The following IQSEC3 variants were observed in gnomAD, a reference collection of about 807,000 sequenced individuals.
IQSEC3 encodes IQ motif and SEC7 domain-containing protein 3.
Under a neutral mutation model 105.4 loss-of-function variants are expected in IQSEC3, and 50 were observed. The ratio of observed to expected loss-of-function variants is 0.47; its 90% CI spans 0.38 to 0.60. IQSEC3 has a LOEUF of 0.60. Ranked by LOEUF, IQSEC3 falls within the 20% of genes least tolerant of loss-of-function variation. The probability of loss-of-function intolerance (pLI) is 0.00; values close to 1 mark genes in which losing one functional copy is unlikely to be tolerated. For synonymous variants in IQSEC3, 708 were observed against 746.0 expected (o/e 0.95, Z 0.83); for missense variants, 1,415 against 1,630.0 (o/e 0.87, Z 2.27).
chr12:78,918 C>T (rs574357638), intron 1 of IQSEC3, among the ~76,000 whole-genome samples: 2 of 152,244 alleles, frequency 1.3e-5, no homozygotes, highest in East Asian at 1.9e-4. Context: ...CACCACCCCC[C>T]ACCCTGACCC....
chr12:150,405 C>G (rs1866458974), intron 5 of IQSEC3, among the ~76,000 whole-genome samples: 1 of 152,166 alleles, frequency 6.6e-6, no homozygotes, highest in African/African-American at 2.4e-5. Context: ...CTAGCTAGAG[C>G]CACTGGAATG....
intron 4 of IQSEC3, 174 bp from the exon 5 acceptor site, chr12:140,950 C>T: frequency 4.9e-6 from 3 of 615,928 alleles, no homozygotes; most frequent in Non-Finnish European, 8.5e-6. Context: ...TCTGGTCACA[C>T]ACCATCCTCT....
At chr12:161,068 C>T (rs1555096025) in intron 7 of IQSEC3, among the ~76,000 whole-genome samples, 4 of 152,104 alleles carry the variant, frequency 2.6e-5, no homozygotes, top group Non-Finnish European at 4.4e-5. Flanking sequence ...ACTTCGAGAA[C>T]CAAGATCAGA....
intron 12 of IQSEC3, 51 bp from the exon 13 acceptor site, chr12:171,061 G>A: frequency 6.2e-7 from 1 of 1,609,674 alleles, no homozygotes; most frequent in South Asian, 1.1e-5. Context: ...GGAGGGGCAG[G>A]GGCTTGGCTC....
intron 1 of IQSEC3, among the ~76,000 whole-genome samples, chr12:92,649 G>T (rs1342487469): frequency 6.6e-6 from 1 of 152,194 alleles, no homozygotes; most frequent in Admixed American, 6.5e-5. Flanking sequence ...CCTCCCTAAA[G>T]GCCCCGCATC....
intron 1 of IQSEC3, among the ~76,000 whole-genome samples, chr12:85,199 C>T (rs145207658): frequency 1.1e-3 from 169 of 152,252 alleles, no homozygotes; most frequent in Non-Finnish European, 2.0e-3. Context: ...CCACAGCTGA[C>T]GAAAGGTGGG....
chr12:98,090 C>A (rs1280257520), intron 1 of IQSEC3, among the ~76,000 whole-genome samples: 4 of 152,338 alleles, frequency 2.6e-5, no homozygotes, highest in Middle Eastern at 3.4e-3. Flanking sequence ...TTCAGATGAT[C>A]TCTGGGGGCC....
intron 1 of IQSEC3, among the ~76,000 whole-genome samples, chr12:71,737 G>C (rs1555067610): frequency 6.6e-6 from 1 of 152,274 alleles, no homozygotes; most frequent in South Asian, 2.1e-4. Context: ...TCAACACACA[G>C]GGACTTTGTC....
At chr12:132,424 G>T (rs1177953380) in intron 3 of IQSEC3, among the ~76,000 whole-genome samples, 1 of 152,210 alleles carries the variant, frequency 6.6e-6, no homozygotes, top group Admixed American at 6.5e-5. Context: ...AGAAAAGCCT[G>T]TGTTGACACC....
intron 5 of IQSEC3, among the ~76,000 whole-genome samples, chr12:145,204 T>A (rs1448148108): frequency 6.6e-6 from 1 of 152,258 alleles, no homozygotes; most frequent in African/African-American, 2.4e-5. Context: ...ACCTGTCTCA[T>A]ATGAATCAAA....
chr12:173,559 CTG>C (rs772527876), intron 13 of IQSEC3, among the ~76,000 whole-genome samples: 2 of 152,208 alleles, frequency 1.3e-5, no homozygotes, highest in Non-Finnish European at 2.9e-5. Flanking sequence ...CCCTTTCCCT[CTG>C]TGCTCTGAGC....
chr12:100,961 G>T (rs1267111185), intron 2 of IQSEC3, among the ~76,000 whole-genome samples: 5 of 152,168 alleles, frequency 3.3e-5, no homozygotes, highest in African/African-American at 1.2e-4. Flanking sequence ...CTTCTTCCTA[G>T]AAACTGCCTT....
chr12:74,804 C>T (rs7961794), intron 1 of IQSEC3, among the ~76,000 whole-genome samples: 1,834 of 152,322 alleles, frequency 0.012, 17 homozygotes, highest in African/African-American at 0.041. Context: ...TCAAGATTCT[C>T]ATTTGGCAAA....
intron 2 of IQSEC3, among the ~76,000 whole-genome samples, chr12:122,500 T>C (rs1283162892): frequency 2.0e-5 from 3 of 152,260 alleles, no homozygotes; most frequent in African/African-American, 7.2e-5. Context: ...AAAATTTGTT[T>C]TGTTTTATCA....
chr12:77,308 A>G (rs1241117587), intron 1 of IQSEC3: 1 of 152,308 alleles, frequency 6.6e-6, no homozygotes, highest in South Asian at 2.1e-4. Context: ...ACTCTGACCT[A>G]GAAGCCGGAA....
chr12:158,254 TATC>T (rs1412332655), intron 7 of IQSEC3, among the ~76,000 whole-genome samples: 1 of 152,132 alleles, frequency 6.6e-6, no homozygotes, highest in African/African-American at 2.4e-5. Flanking sequence ...CTACAAGGCT[TATC>T]ATAGAAAAAA....
intron 11 of IQSEC3, among the ~76,000 whole-genome samples, chr12:168,441 GGT>G (rs1938790874): frequency 6.6e-6 from 1 of 152,132 alleles, no homozygotes; most frequent in South Asian, 2.1e-4. Flanking sequence ...TGGAGAGGTG[GGT>G]GTCACCCCTG....
In IQSEC3 at chr12:166,053, A is replaced by G. The variant is rs557422940; in HGVS notation, c.2971+163A>G. ...ACACTCCCACAGCCCGGGTGGGAGC[A>G]CCGGTTCCCATGTTTCTTCACAATT... is the stretch of plus-strand genomic sequence containing the variant. On this transcript the variant is annotated intron_variant, in intron 11 of 13. Coordinates refer to ENST00000538872, the MANE Select transcript of IQSEC3 (RefSeq NM_001170738.2). 1.9e-4 allele frequency: 131 copies of G among 683,544 alleles called. No homozygotes were observed. The African/African-American group carries it at 2.0e-3, about 10-fold the overall frequency. 42.3% of individuals were successfully genotyped at this position (683,544 alleles called of 1,614,324 possible). A position where few individuals can be genotyped will look rare whatever the true frequency, so the allele number is the denominator to read the frequency against.
At chr12:94,848 C>T (rs868917097) in intron 1 of IQSEC3, among the ~76,000 whole-genome samples, 1 of 152,244 alleles carries the variant, frequency 6.6e-6, no homozygotes, top group African/African-American at 2.4e-5. Flanking sequence ...TCCTGAAATG[C>T]CAGCGCTGTG....
Sources: gnomAD v4.1 joint callset for allele counts (sites outside exome capture counted in the v4.1 genomes callset) on GRCh38, gnomAD v4.1.1 for gene constraint, MANE v1.5 for transcripts, NCBI Gene and HGNC (gene_info 2026-07-23, HGNC 2026-07-21) for gene names.